The following FIP1L1 variants were observed in gnomAD, a reference collection of about 807,000 sequenced individuals.
FIP1L1 encodes pre-mRNA 3'-end-processing factor FIP1.
Under a neutral mutation model 84.6 loss-of-function variants are expected in FIP1L1, and 21 were observed. That is an observed-to-expected ratio of 0.25 (90% CI 0.18 to 0.36). FIP1L1 has a LOEUF of 0.36. FIP1L1 is among the 10% of genes least tolerant of loss of function. The probability of loss-of-function intolerance (pLI) is 1.00; values close to 1 mark genes in which losing one functional copy is unlikely to be tolerated. For missense variants in FIP1L1, 526 were observed against 751.1 expected (o/e 0.70, Z 3.50); for synonymous variants, 263 against 242.3 (o/e 1.09, Z -0.80).
At chr4:53,413,048 C>A (rs575943947) in intron 10 of FIP1L1, among the ~76,000 whole-genome samples, 9 of 152,186 alleles carry the variant, frequency 5.9e-5, no homozygotes, top group African/African-American at 1.7e-4. Context: ...TATTTGTATA[C>A]ATGGTGTTTA....
At chr4:53,392,947 G>A (rs1745068211) in intron 9 of FIP1L1, among the ~76,000 whole-genome samples, 1 of 152,130 alleles carries the variant, frequency 6.6e-6, no homozygotes, top group South Asian at 2.1e-4. Flanking sequence ...ATACTAATAT[G>A]TTTGGTAGAA....
intron 11 of FIP1L1, among the ~76,000 whole-genome samples, chr4:53,417,798 C>CAGGCTACTTTT: frequency 8.5e-6 from 1 of 118,072 alleles, no homozygotes; most frequent in African/African-American, 3.1e-5. Flanking sequence ...CTCTCTCTCT[C>CAGGCTACTTTT]TCTCTCTCTC....
At chr4:53,458,571 C>A in intron 16 of FIP1L1, 82 bp from the exon 17 acceptor site, 1 of 1,417,572 alleles carries the variant, frequency 7.1e-7, no homozygotes, top group Non-Finnish European at 9.5e-7. Context: ...ATTTGGACTG[C>A]AGATCACATC....
intron 1 of FIP1L1, chr4:53,378,140 G>A: frequency 2.3e-6 from 1 of 433,862 alleles, no homozygotes; most frequent in East Asian, 3.6e-5. Context: ...CACCCCTGTG[G>A]CGGCCGGGCC....
At position 53,438,053 on chromosome 4, in the gene FIP1L1, G is replaced by T. The variant is rs7678965; in HGVS notation, c.1175-4600G>T. On this transcript the variant is annotated intron_variant, in intron 13 of 17. Transcript: ENST00000337488. Reference sequence around the variant, plus strand: ...GTTCAAGTTTTAATACCACTAATCTGTTCAGTCTGTTAGAGCTTGAGTATT... The same window carrying T: ...GTTCAAGTTTTAATACCACTAATCTTTTCAGTCTGTTAGAGCTTGAGTATT... Among the ~76,000 whole-genome samples the T allele has an allele frequency of 7.3e-3, 1,112 of 152,128 alleles. 13 individuals are homozygous for T. Among genetic ancestry groups the T allele is most frequent in the African/African-American group, 0.025 (1,054 of 41,496 alleles).
At chr4:53,455,566 C>T (rs1718462819) in intron 16 of FIP1L1, among the ~76,000 whole-genome samples, 1 of 152,040 alleles carries the variant, frequency 6.6e-6, no homozygotes, top group Non-Finnish European at 1.5e-5. Flanking sequence ...AGAACATGTA[C>T]ATTTATTAAG....
chr4:53,398,278 C>A (rs1748463710), intron 9 of FIP1L1, among the ~76,000 whole-genome samples: 1 of 152,156 alleles, frequency 6.6e-6, no homozygotes, highest in Admixed American at 6.5e-5. Flanking sequence ...CGATTCTCAT[C>A]ATCTCATTAG....
chr4:53,379,049 A>C (rs1370972044), intron 1 of FIP1L1, 24 bp from the exon 2 acceptor site: 1 of 1,609,714 alleles, frequency 6.2e-7, no homozygotes. Flanking sequence ...TTATAAGGTG[A>C]TCTAACTTTG....
chr4:53,391,259 T>G (rs1161839450), intron 8 of FIP1L1, 120 bp downstream of exon 8: 1 of 1,273,918 alleles, frequency 7.8e-7, no homozygotes, highest in African/African-American at 1.5e-5. Flanking sequence ...AAATTCCATT[T>G]TGTTTACCAT....
chr4:53,444,704 C>A (rs1281224517), intron 15 of FIP1L1, among the ~76,000 whole-genome samples: 1 of 152,056 alleles, frequency 6.6e-6, no homozygotes, highest in African/African-American at 2.4e-5. Context: ...AAGTGATCAT[C>A]CCACGCAGCT....
At chr4:53,409,824 GT>G (rs1333904691) in intron 10 of FIP1L1, among the ~76,000 whole-genome samples, 1 of 152,226 alleles carries the variant, frequency 6.6e-6, no homozygotes, top group Non-Finnish European at 1.5e-5. Context: ...CTGGTGCGCC[GT>G]TTTTTAAGCC....
intron 10 of FIP1L1, among the ~76,000 whole-genome samples, chr4:53,410,882 C>A (rs1375183239): frequency 6.6e-6 from 1 of 152,116 alleles, no homozygotes; most frequent in Non-Finnish European, 1.5e-5. Flanking sequence ...ATATTGGGTT[C>A]AGTACCATCC....
chr4:53,436,125 G>A lies in FIP1L1; in HGVS notation c.1175-6528G>A, dbSNP rs140045446. Among the ~76,000 whole-genome samples, 158 of 152,292 alleles carry A rather than the reference G, an allele frequency of 1.0e-3. 1 individual carries two copies. The highest frequency in any genetic ancestry group is 3.7e-3 in the African/African-American group (153 of 41,550). Reference sequence around the variant, plus strand: ...TTTTTCTTTCATGTGAATTTGAATAGAGAAAAGATAGATGGTTATTGCATG... The same window carrying A: ...TTTTTCTTTCATGTGAATTTGAATAAAGAAAAGATAGATGGTTATTGCATG... On this transcript the variant is annotated intron_variant, in intron 13 of 17. Coordinates refer to ENST00000337488, the MANE Select transcript of FIP1L1 (RefSeq NM_030917.4).
At chr4:53,449,677 G>C (rs1254989736) in intron 15 of FIP1L1, among the ~76,000 whole-genome samples, 2 of 151,982 alleles carry the variant, frequency 1.3e-5, no homozygotes, top group East Asian at 3.9e-4. Context: ...CTATTTGCTG[G>C]GAGTTTGTGT....
chr4:53,398,217 C>G (rs1748431067), intron 9 of FIP1L1, among the ~76,000 whole-genome samples: 1 of 152,146 alleles, frequency 6.6e-6, no homozygotes, highest in South Asian at 2.1e-4. Flanking sequence ...TCAGTTTTAC[C>G]TGTCAGGTAT....
chr4:53,414,190 G>T (rs1278859432), intron 10 of FIP1L1, among the ~76,000 whole-genome samples: 4 of 152,020 alleles, frequency 2.6e-5, no homozygotes, highest in Admixed American at 2.0e-4. Flanking sequence ...CTGTTAACTG[G>T]TTGCACTAAC....
Position 53,390,582 on chromosome 4 carries a change from A to G in FIP1L1, c.459A>G (p.Leu153=). ...APGSINGVPL[L]EVDLDSFEDK... ...GAAGCATTAATGGAGTTCCACTCTT[A>G]GAGGTAGATTTGGATTCTTTTGAAG... The change falls in exon 7 of 18, where the codon TTA becomes TTG. Residue 153 remains leucine, a synonymous_variant. Coordinates refer to ENST00000337488, the MANE Select transcript of FIP1L1 (RefSeq NM_030917.4). 1.2e-6 allele frequency: 2 copies of G among 1,613,014 alleles called. No homozygotes were observed. Among genetic ancestry groups the G allele is most frequent in the Non-Finnish European group, 8.5e-7 (1 of 1,179,170 alleles).
At chr4:53,409,491 C>T (rs192515227) in intron 10 of FIP1L1, among the ~76,000 whole-genome samples, 10 of 152,308 alleles carry the variant, frequency 6.6e-5, no homozygotes, top group Admixed American at 3.9e-4. Context: ...CTCAGATCTC[C>T]AGCTGCGTGC....
chr4:53,456,176 A>C (rs1718803802), intron 16 of FIP1L1, among the ~76,000 whole-genome samples: 1 of 152,142 alleles, frequency 6.6e-6, no homozygotes, highest in South Asian at 2.1e-4. Flanking sequence ...TTAATGCAAA[A>C]CTTGATAGGA....
Sources: allele counts gnomAD v4.1 joint callset (sites outside exome capture counted in the v4.1 genomes callset), GRCh38; gene constraint gnomAD v4.1.1; transcripts MANE v1.5; gene names NCBI Gene and HGNC (gene_info 2026-07-23, HGNC 2026-07-21).